The following IQSEC1 variants were observed in gnomAD, a reference collection of about 807,000 sequenced individuals.
IQSEC1 encodes IQ motif and SEC7 domain-containing protein 1.
A neutral mutation model predicts 91.0 loss-of-function variants in IQSEC1; 31 were observed. That is an observed-to-expected ratio of 0.34 (90% CI 0.26 to 0.46). IQSEC1 has a LOEUF of 0.46. IQSEC1 is among the 20% of genes least tolerant of loss of function. The probability of loss-of-function intolerance (pLI) is 1.00; values close to 1 mark genes in which losing one functional copy is unlikely to be tolerated. For synonymous variants in IQSEC1, 699 were observed against 662.6 expected (o/e 1.05, Z -0.84); for missense variants, 1,388 against 1,575.6 (o/e 0.88, Z 2.02).
At chr3:13,239,853 A>T (rs189044870) in intron 1 of IQSEC1, among the ~76,000 whole-genome samples, 3 of 152,128 alleles carry the variant, frequency 2.0e-5, no homozygotes, top group Non-Finnish European at 2.9e-5. Flanking sequence ...CCAGAGTTGG[A>T]TGGGGGCCCC....
At chr3:13,245,207 T>C (rs1036830630) in intron 1 of IQSEC1, among the ~76,000 whole-genome samples, 11 of 152,106 alleles carry the variant, frequency 7.2e-5, no homozygotes, top group Admixed American at 3.3e-4. Flanking sequence ...AGCGAAGCCA[T>C]GAAGCCACGA....
Position 12,922,258 on chromosome 3 carries a change from A to G in IQSEC1, c.1731-16T>C, listed in dbSNP as rs755404911. 1.3e-6 allele frequency: 2 copies of G among 1,566,054 alleles called. No homozygotes were observed. Among genetic ancestry groups the G allele is most frequent in the Non-Finnish European group, 1.7e-6 (2 of 1,147,426 alleles). ...CACGACGCAGCTGGAATAGAGACAG[A>G]CAGCCCCGCATAAGCACCCCTTGCA... On this transcript the variant is annotated splice_polypyrimidine_tract_variant and intron_variant, in intron 4 of 13. Transcript: ENST00000613206. This position sits in a 1 kb window ranked among gnomAD's most constrained non-coding sequence, Gnocchi z 5.1.
intron 1 of IQSEC1, among the ~76,000 whole-genome samples, chr3:13,169,722 C>CTT (rs1308544522): frequency 7.2e-5 from 11 of 152,174 alleles, no homozygotes; most frequent in African/African-American, 2.7e-4. Context: ...AGACTGGCAG[C>CTT]ATTTTGCCTC....
chr3:13,041,579 C>T (rs1317783586), intron 1 of IQSEC1, among the ~76,000 whole-genome samples: 1 of 152,184 alleles, frequency 6.6e-6, no homozygotes, highest in East Asian at 1.9e-4. Context: ...ATGGCGACGG[C>T]TCCATGATGA....
intron 2 of IQSEC1, among the ~76,000 whole-genome samples, chr3:13,160,065 G>A (rs1047527757): frequency 6.6e-6 from 1 of 152,152 alleles, no homozygotes; most frequent in African/African-American, 2.4e-5. Context: ...GTCAAAAAAT[G>A]AGTCATTTCA....
At chr3:13,122,977 C>G (rs1214698806) in intron 2 of IQSEC1, among the ~76,000 whole-genome samples, 2 of 152,182 alleles carry the variant, frequency 1.3e-5, no homozygotes, top group African/African-American at 4.8e-5. Context: ...TCTGCGCCCT[C>G]CCTGCATGAG....
chr3:13,230,730 G>T (rs1694826882), intron 1 of IQSEC1, among the ~76,000 whole-genome samples: 1 of 152,240 alleles, frequency 6.6e-6, no homozygotes, highest in African/African-American at 2.4e-5. Flanking sequence ...TGATCTGGAA[G>T]CAACAGTTTT....
intron 1 of IQSEC1, among the ~76,000 whole-genome samples, chr3:13,014,301 C>T (rs1703017232): frequency 6.6e-6 from 1 of 152,204 alleles, no homozygotes; most frequent in African/African-American, 2.4e-5. Context: ...GCCTGCTTCA[C>T]CATCTAAGCC....
intron 3 of IQSEC1, among the ~76,000 whole-genome samples, chr3:12,927,617 G>A (rs545445641): frequency 3.9e-5 from 6 of 152,332 alleles, no homozygotes; most frequent in East Asian, 1.9e-4. Flanking sequence ...AAGGCTCCTC[G>A]GCCCTGGAGG....
intron 2 of IQSEC1, among the ~76,000 whole-genome samples, chr3:13,100,348 C>T (rs1389058540): frequency 1.3e-5 from 2 of 148,612 alleles, no homozygotes; most frequent in African/African-American, 5.1e-5. Flanking sequence ...CTCAGAACAC[C>T]CTTCCCTCTC....
chr3:12,984,158 A>G (rs997061581), intron 1 of IQSEC1, among the ~76,000 whole-genome samples: 2 of 152,144 alleles, frequency 1.3e-5, no homozygotes, highest in Non-Finnish European at 2.9e-5. Flanking sequence ...GTCTAACTCA[A>G]GCCGCTCCCA....
Position 12,941,878 on chromosome 3 carries a change from G to T in IQSEC1, c.24-13C>A. On this transcript the variant is annotated splice_polypyrimidine_tract_variant and intron_variant, in intron 1 of 13. Coordinates refer to ENST00000613206, the MANE Select transcript of IQSEC1 (RefSeq NM_001134382.3). The stretch of plus-strand genomic sequence containing the variant: ...CTCGCCCTCGACGCTGCAGAGGAGA[G>T]AGAGGTGAGAAGCTTCTGGTAAGCG... 2 of 1,569,766 alleles carry T rather than the reference G, an allele frequency of 1.3e-6. No homozygotes were observed. The highest frequency in any genetic ancestry group is 2.3e-5 in the East Asian group (1 of 43,618).
intron 1 of IQSEC1, among the ~76,000 whole-genome samples, chr3:13,177,646 G>C (rs969442178): frequency 3.9e-5 from 6 of 152,322 alleles, no homozygotes; most frequent in African/African-American, 1.4e-4. Context: ...AGGTGAGAGG[G>C]GAACTCCACT....
At chr3:13,019,799 G>A (rs751894325) in intron 1 of IQSEC1, among the ~76,000 whole-genome samples, 3 of 152,134 alleles carry the variant, frequency 2.0e-5, no homozygotes, top group Admixed American at 6.5e-5. Context: ...GAGGCCACCC[G>A]CCAGTGCTCG....
intron 2 of IQSEC1, among the ~76,000 whole-genome samples, chr3:13,087,681 T>G (rs1705761613): frequency 6.6e-6 from 1 of 152,236 alleles, no homozygotes; most frequent in African/African-American, 2.4e-5. Context: ...TTCGTCTATT[T>G]TGTGCTGCTG....
chr3:13,052,095 G>T (rs1704712072), intron 1 of IQSEC1, among the ~76,000 whole-genome samples: 1 of 152,178 alleles, frequency 6.6e-6, no homozygotes, highest in Non-Finnish European at 1.5e-5. Context: ...ACACATGCCT[G>T]TGTGTCCACA....
chr3:13,110,170 C>G (rs974773645), intron 2 of IQSEC1, among the ~76,000 whole-genome samples: 3 of 151,984 alleles, frequency 2.0e-5, no homozygotes, highest in African/African-American at 7.2e-5. Context: ...GCGTGAGCCA[C>G]GGTACCCGGC....
intron 1 of IQSEC1, among the ~76,000 whole-genome samples, chr3:13,047,238 A>G (rs360900): frequency 0.63 from 95,645 of 152,054 alleles, 31,103 homozygotes; most frequent in African/African-American, 0.77. Flanking sequence ...CTTTGGGGGC[A>G]GAACTTCGAC....
chr3:13,279,285 C>T (rs1204533231), intron 1 of IQSEC1, among the ~76,000 whole-genome samples: 1 of 152,226 alleles, frequency 6.6e-6, no homozygotes, highest in Non-Finnish European at 1.5e-5. Context: ...AAACAGATCA[C>T]TAGCATGTAG....
Sources: gnomAD v4.1 joint callset for allele counts (sites outside exome capture counted in the v4.1 genomes callset) on GRCh38, gnomAD v4.1.1 for gene constraint, Gnocchi (gnomAD v3.1) non-coding constraint, MANE v1.5 for transcripts, NCBI Gene and HGNC (gene_info 2026-07-23, HGNC 2026-07-21) for gene names.